Variants in GPC5 observed in about 807,000 individuals in gnomAD.
GPC5 encodes the protein glypican 5, also known as glypican-5.
Under a neutral mutation model 53.9 loss-of-function variants are expected in GPC5, and 47 were observed. The ratio of observed to expected loss-of-function variants is 0.87; its 90% confidence interval spans 0.69 to 1.11. The LOEUF (loss-of-function observed/expected upper bound fraction) is 1.11, where lower values mean the gene tolerates loss of function less well. Among genes scored for constraint, GPC5 ranks in the 50% most tolerant of loss-of-function variants. GPC5 has a pLI of 0.00. For missense variants in GPC5, 748 were observed against 713.1 expected (o/e 1.05, Z -0.56); for synonymous variants, 286 against 263.3 (o/e 1.09, Z -0.84).
intron 3 of GPC5, among the ~76,000 whole-genome samples, chr13:91,715,815 C>T (rs1049882301): frequency 8.8e-5 from 13 of 148,022 alleles, no homozygotes; most frequent in Middle Eastern, 3.5e-3. Flanking sequence ...TGTGTGTCAC[C>T]CAGGCTAGAG....
At chr13:92,069,402 G>T (rs1278209858) in intron 6 of GPC5, among the ~76,000 whole-genome samples, 3 of 131,192 alleles carry the variant, frequency 2.3e-5, no homozygotes, top group Admixed American at 8.2e-5. Context: ...CATAATGTGT[G>T]CGTGCATGTG....
chr13:92,234,880 T>C (rs773573447), intron 7 of GPC5, among the ~76,000 whole-genome samples: 1 of 152,130 alleles, frequency 6.6e-6, no homozygotes, highest in Non-Finnish European at 1.5e-5. Context: ...ATTTGCATAT[T>C]TGGGGATGGC....
intron 7 of GPC5, among the ~76,000 whole-genome samples, chr13:92,576,685 A>C (rs1250742829): frequency 6.6e-6 from 1 of 152,228 alleles, no homozygotes; most frequent in African/African-American, 2.4e-5. Context: ...TGATATCAGA[A>C]AATACCATCC....
At chr13:91,646,781 A>G (rs1416172288) in intron 2 of GPC5, among the ~76,000 whole-genome samples, 2 of 152,186 alleles carry the variant, frequency 1.3e-5, no homozygotes, top group African/African-American at 4.8e-5. Flanking sequence ...GGGAAAGGAT[A>G]TAAATGTGAT....
intron 7 of GPC5, among the ~76,000 whole-genome samples, chr13:92,231,463 C>G (rs1201826654): frequency 6.6e-6 from 1 of 152,112 alleles, no homozygotes; most frequent in African/African-American, 2.4e-5. Context: ...TGTCAGTCCA[C>G]TGATAGATGC....
At chr13:91,489,890 C>A (rs1223071819) in intron 2 of GPC5, among the ~76,000 whole-genome samples, 1 of 152,214 alleles carries the variant, frequency 6.6e-6, no homozygotes, top group South Asian at 2.1e-4. Flanking sequence ...GGGAAGGAGA[C>A]TGTTTTTCAT....
intron 7 of GPC5, among the ~76,000 whole-genome samples, chr13:92,184,605 T>C (rs2042171287): frequency 6.6e-6 from 1 of 152,344 alleles, no homozygotes; most frequent in South Asian, 2.1e-4. Flanking sequence ...TTGGTTGTTC[T>C]GGATTTAATT....
chr13:91,868,559 G>C (rs929956049), intron 5 of GPC5, among the ~76,000 whole-genome samples: 3 of 152,036 alleles, frequency 2.0e-5, no homozygotes. Flanking sequence ...TAAAAAATTA[G>C]CTGGGTCTGG....
chr13:92,245,835 T>TA (rs1345031414), intron 7 of GPC5, among the ~76,000 whole-genome samples: 1 of 152,202 alleles, frequency 6.6e-6, no homozygotes, highest in Non-Finnish European at 1.5e-5. Flanking sequence ...AATTGTTTCT[T>TA]AAAATTTATT....
intron 7 of GPC5, among the ~76,000 whole-genome samples, chr13:92,353,266 C>CAAAAAAAAAAAAAAAA (rs563794696): frequency 6.0e-5 from 4 of 66,892 alleles, no homozygotes; most frequent in Non-Finnish European, 1.2e-4. Flanking sequence ...GACTCCGTCT[C>CAAAAAAAAAAAAAAAA]AAAAAAAAAA....
intron 7 of GPC5, among the ~76,000 whole-genome samples, chr13:92,185,185 T>A (rs1302389276): frequency 6.6e-6 from 1 of 152,156 alleles, no homozygotes; most frequent in Non-Finnish European, 1.5e-5. Flanking sequence ...TCCTGGGACC[T>A]TTATCAGCTT....
At chr13:92,302,791 G>T (rs2139199734) in intron 7 of GPC5, among the ~76,000 whole-genome samples, 1 of 152,242 alleles carries the variant, frequency 6.6e-6, no homozygotes, top group African/African-American at 2.4e-5. Context: ...ATTTGCAGCA[G>T]TTTTTCAAAG....
At chr13:91,915,140 A>T (rs1406194142) in intron 6 of GPC5, among the ~76,000 whole-genome samples, 4 of 152,196 alleles carry the variant, frequency 2.6e-5, no homozygotes, top group Non-Finnish European at 5.9e-5. Context: ...AGAAACGAAC[A>T]GTTCTTGATT....
At position 92,671,921 on chromosome 13, in the gene GPC5, G is replaced by A. The variant is rs111836579; in HGVS notation, c.1562-194361G>A. Among the ~76,000 whole-genome samples the A allele has an allele frequency of 6.9e-3, 1,043 of 152,228 alleles. 10 individuals carry two copies. The highest frequency in any genetic ancestry group is 0.022 in the African/African-American group (905 of 41,548). Reference sequence around the variant, plus strand: ...AAGCAGAGAGAAGTTAAGGGAGAACGTTGACATTATCTTAAAGTGTTAAGA... The same window carrying A: ...AAGCAGAGAGAAGTTAAGGGAGAACATTGACATTATCTTAAAGTGTTAAGA... On this transcript the variant is annotated intron_variant, in intron 7 of 7. Transcript: ENST00000377067.
intron 7 of GPC5, among the ~76,000 whole-genome samples, chr13:92,374,340 ACT>A (rs910835560): frequency 4.6e-5 from 7 of 152,050 alleles, no homozygotes; most frequent in African/African-American, 1.7e-4. Context: ...GTAATGGGAG[ACT>A]CTGATTTATA....
At chr13:91,856,564 G>C (rs551415260) in intron 5 of GPC5, among the ~76,000 whole-genome samples, 55 of 151,008 alleles carry the variant, frequency 3.6e-4, no homozygotes, top group South Asian at 1.9e-3. Context: ...AAGATGTTAG[G>C]TGTAGTTTCA....
intron 7 of GPC5, among the ~76,000 whole-genome samples, chr13:92,807,183 C>A (rs577132174): frequency 1.3e-5 from 2 of 152,028 alleles, no homozygotes; most frequent in Non-Finnish European, 2.9e-5. Context: ...TTTATATTTA[C>A]AATATCATCA....
chr13:91,398,910 G>A lies in GPC5; in HGVS notation c.-137G>A, dbSNP rs908665492. The A allele has an allele frequency of 1.9e-6, 2 of 1,074,138 alleles. No homozygotes were observed. The highest frequency in any genetic ancestry group is 3.1e-5 in the Admixed American group (1 of 31,984). The allele number at this position is 1,074,138 out of a possible 1,614,324, so 66.5% of individuals were successfully genotyped here. ...GCTCCCAGGTGAAGCCGGTGCCCGC[G>A]GGCGGTCCGTACACCCCGCAGCCGG... On this transcript the variant is annotated 5_prime_UTR_variant, in exon 1 of 8. Transcript: ENST00000377067.
At chr13:91,534,983 C>T (rs143456653) in intron 2 of GPC5, among the ~76,000 whole-genome samples, 262 of 152,240 alleles carry the variant, frequency 1.7e-3, no homozygotes, top group African/African-American at 5.8e-3. Flanking sequence ...AGTGACCTTC[C>T]ATGGCCTTGT....
Sources: allele counts gnomAD v4.1 joint callset (sites outside exome capture counted in the v4.1 genomes callset), GRCh38; gene constraint gnomAD v4.1.1; transcripts MANE v1.5; gene names NCBI Gene and HGNC (gene_info 2026-07-23, HGNC 2026-07-21).